The following SEC14L5 variants were observed in gnomAD, a reference collection of about 807,000 sequenced individuals.
SEC14L5 encodes the protein SEC14-like protein 5.
A neutral mutation model predicts 84.6 loss-of-function variants in SEC14L5; 96 were observed. The ratio of observed to expected loss-of-function variants is 1.13; its 90% CI spans 0.96 to 1.34. SEC14L5 has a LOEUF of 1.34. SEC14L5 is among the 40% of genes most tolerant of loss of function. SEC14L5 has a pLI of 0.00. For missense variants in SEC14L5, 1,224 were observed against 942.5 expected, an observed-to-expected ratio of 1.30 and a Z score of -3.91; for synonymous variants, 546 against 383.4, an observed-to-expected ratio of 1.42 and a Z score of -4.95.
At chr16:5,005,698 A>G (rs1342697445) in intron 11 of SEC14L5, among the ~76,000 whole-genome samples, 3 of 151,494 alleles carry the variant, frequency 2.0e-5, no homozygotes, top group East Asian at 3.9e-4. Flanking sequence ...CGTCTGTACT[A>G]AAAATACAAA....
intron 2 of SEC14L5, among the ~76,000 whole-genome samples, chr16:4,961,398 G>A (rs565890563): frequency 1.3e-5 from 2 of 152,220 alleles, no homozygotes; most frequent in South Asian, 4.2e-4. Context: ...GTGCCATCTT[G>A]GCTCACTGCA....
At chr16:4,967,562 GTTTTTTTTTTT>G (rs869061549) in intron 2 of SEC14L5, among the ~76,000 whole-genome samples, 25 of 37,112 alleles carry the variant, frequency 6.7e-4, no homozygotes, top group Non-Finnish European at 9.8e-4. Flanking sequence ...TCTTTCTTTC[GTTTTTTTTTTT>G]TTTTTTTTTT....
rs1033658661 is a variant in SEC14L5 at position 5,013,880 on chromosome 16, A to G, written c.1980-979A>G. On this transcript the variant is annotated intron_variant, in intron 15 of 15. Coordinates refer to ENST00000251170, the MANE Select transcript of SEC14L5 (RefSeq NM_014692.2). ...GCCACTTTTAAAATTTTTTGTAGAGATGGGGTCTCACTATTTTGCCCAGGC... is the reference window on the plus strand; with the variant it reads ...GCCACTTTTAAAATTTTTTGTAGAGGTGGGGTCTCACTATTTTGCCCAGGC... Among the ~76,000 whole-genome samples the G allele has an allele frequency of 2.6e-5, 4 of 151,720 alleles. No individual in the cohort carries two copies. The East Asian group carries it at 5.8e-4, about 22-fold the overall frequency.
At chr16:4,962,574 G>A (rs1214637171) in intron 2 of SEC14L5, among the ~76,000 whole-genome samples, 1 of 150,998 alleles carries the variant, frequency 6.6e-6, no homozygotes, top group Non-Finnish European at 1.5e-5. Flanking sequence ...TGTAATCCCA[G>A]CTATTCGGGA....
chr16:4,996,929 G>A lies in SEC14L5; in HGVS notation c.855G>A (p.Leu285=), dbSNP rs943347188. The A allele has an allele frequency of 3.1e-6, 5 of 1,613,688 alleles. No individual in the cohort carries two copies. The highest frequency in any genetic ancestry group is 4.2e-6 in the Non-Finnish European group (5 of 1,179,752). ...ACCTGGACAAGGCCCGGGAAATGCT[G>A]CGCCAGTCCTTGAGCTGGCGCAAGC... ...DFHLDKAREM[L]RQSLSWRKQH... The change falls in exon 8 of 16, where the codon CTG becomes CTA. Residue 285 remains leucine, a synonymous_variant. Transcript: ENST00000251170.
chr16:4,959,983 A>G (rs1037600386), intron 2 of SEC14L5, among the ~76,000 whole-genome samples: 1 of 152,012 alleles, frequency 6.6e-6, no homozygotes, highest in African/African-American at 2.4e-5. Flanking sequence ...CCTCCCCTTT[A>G]AGGAAGCTGA....
chr16:4,960,607 A>G (rs1403877423), intron 2 of SEC14L5: 13 of 152,230 alleles, frequency 8.5e-5, no homozygotes, highest in Non-Finnish European at 1.9e-4. Flanking sequence ...GCAAAGAGGC[A>G]GGAACTGGCT....
chr16:5,011,164 G>A lies in SEC14L5; in HGVS notation c.1870G>A (p.Val624Met), dbSNP rs754222399. Residue 624 changes from valine (V) to methionine (M), a missense_variant, in exon 15 of 16, where the codon GTG becomes ATG. Physicochemically the swap from Val to Met is conservative, Grantham distance 21. Coordinates refer to ENST00000251170, the MANE Select transcript of SEC14L5 (RefSeq NM_014692.2). ...QWQMHSPPSS[V>M]ACSLPGVDDV... is the part of the protein sequence containing the mutation. ...GCAAATGCACAGCCCCCCCAGCAGC[G>A]TGGCCTGCAGCCTCCCGGGTGTGGA... 2.1e-5 allele frequency: 34 copies of A among 1,613,008 alleles called. No individual in the cohort carries two copies. The East Asian group carries it at 3.3e-4, about 16-fold the overall frequency.
At position 4,996,847 on chromosome 16, in the gene SEC14L5, T is replaced by C; in HGVS notation, c.781-8T>C. 1.2e-6 allele frequency: 2 copies of C among 1,604,280 alleles called. No homozygotes were observed. The highest frequency in any genetic ancestry group is 1.7e-6 in the Non-Finnish European group (2 of 1,175,060). ...GTTCTGTGGGCTTTTTACTTCTTTG[T>C]CTCTCAGATTCCCAAAGATGAGCAC... is the stretch of plus-strand genomic sequence containing the variant. On this transcript the variant is annotated splice_region_variant and splice_polypyrimidine_tract_variant and intron_variant, in intron 7 of 15. Coordinates refer to ENST00000251170, the MANE Select transcript of SEC14L5 (RefSeq NM_014692.2).
chr16:4,987,245 A>T (rs1955498493), intron 2 of SEC14L5, among the ~76,000 whole-genome samples: 1 of 149,186 alleles, frequency 6.7e-6, no homozygotes, highest in African/African-American at 2.4e-5. Context: ...ATTTTTCTCA[A>T]ATGCTTTTCC....
intron 1 of SEC14L5, 125 bp from the exon 2 acceptor site, chr16:4,959,148 C>A: frequency 1.6e-6 from 1 of 617,120 alleles, no homozygotes. Flanking sequence ...GGAATATCAG[C>A]CTTCTCAATT....
At chr16:4,985,820 C>A (rs1011956867) in intron 2 of SEC14L5, among the ~76,000 whole-genome samples, 1 of 150,356 alleles carries the variant, frequency 6.7e-6, no homozygotes, top group Non-Finnish European at 1.5e-5. Flanking sequence ...ATAGAAACAC[C>A]CTATATTTAC....
At chr16:4,960,933 G>A (rs1171337736) in intron 2 of SEC14L5, among the ~76,000 whole-genome samples, 3 of 152,126 alleles carry the variant, frequency 2.0e-5, no homozygotes, top group Non-Finnish European at 4.4e-5. Flanking sequence ...ATGCTTTAGG[G>A]TTCTGCTGTG....
intron 2 of SEC14L5, among the ~76,000 whole-genome samples, chr16:4,981,254 GGT>G (rs2142495411): frequency 9.0e-6 from 1 of 110,568 alleles, no homozygotes; most frequent in South Asian, 3.3e-4. Flanking sequence ...CTAGCTAATT[GGT>G]TTTTTTTTTT....
intron 14 of SEC14L5, among the ~76,000 whole-genome samples, chr16:5,010,347 G>C (rs1955785348): frequency 6.6e-6 from 1 of 151,812 alleles, no homozygotes; most frequent in Admixed American, 6.6e-5. Flanking sequence ...CTGAGTGAAA[G>C]AGTGAAACTC....
intron 6 of SEC14L5, among the ~76,000 whole-genome samples, chr16:4,995,296 G>C (rs530728560): frequency 6.6e-6 from 1 of 152,200 alleles, no homozygotes; most frequent in Non-Finnish European, 1.5e-5. Context: ...GGCTAAGAGT[G>C]GGGGAACAGG....
chr16:4,985,294 C>T (rs188798365), intron 2 of SEC14L5, among the ~76,000 whole-genome samples: 3 of 152,174 alleles, frequency 2.0e-5, no homozygotes, highest in South Asian at 2.1e-4. Context: ...GGCACAATGT[C>T]GCCTCACTGC....
chr16:4,976,238 G>A (rs1360086241), intron 2 of SEC14L5, among the ~76,000 whole-genome samples: 1 of 152,106 alleles, frequency 6.6e-6, no homozygotes, highest in African/African-American at 2.4e-5. Context: ...ACACACAAAG[G>A]AATTAAGGAA....
At chr16:5,012,750 C>A (rs369352988) in intron 15 of SEC14L5, among the ~76,000 whole-genome samples, 1 of 148,742 alleles carries the variant, frequency 6.7e-6, no homozygotes, top group Non-Finnish European at 1.5e-5. Flanking sequence ...ACTAAAAATA[C>A]AAAAATTAGC....
Sources: gnomAD v4.1 joint callset for allele counts (sites outside exome capture counted in the v4.1 genomes callset) on GRCh38, gnomAD v4.1.1 for gene constraint, MANE v1.5 for transcripts, NCBI Gene and HGNC (gene_info 2026-07-23, HGNC 2026-07-21) for gene names.